The following GLCCI1 variants were observed in gnomAD, a reference collection of about 807,000 sequenced individuals.
GLCCI1 encodes the protein glucocorticoid-induced transcript 1 protein.
A neutral mutation model predicts 52.2 loss-of-function variants in GLCCI1; 24 were observed. The ratio of observed to expected loss-of-function variants is 0.46; its 90% CI spans 0.33 to 0.65. The LOEUF (loss-of-function observed/expected upper bound fraction) is 0.65, where lower values mean the gene tolerates loss of function less well. Ranked by LOEUF, GLCCI1 falls within the 30% of genes least tolerant of loss-of-function variation. GLCCI1 has a pLI of 0.02. For synonymous variants in GLCCI1, 310 were observed against 276.5 expected (o/e 1.12, Z -1.20); for missense variants, 704 against 701.5 (o/e 1.00, Z -0.04).
intron 1 of GLCCI1, among the ~76,000 whole-genome samples, chr7:8,001,672 T>C (rs979579040): frequency 3.9e-5 from 6 of 152,242 alleles, no homozygotes; most frequent in African/African-American, 1.2e-4. Context: ...ATTGCGGCAC[T>C]ATTCACAATA....
chr7:8,064,748 G>T (rs578107708), intron 5 of GLCCI1, among the ~76,000 whole-genome samples: 2 of 151,692 alleles, frequency 1.3e-5, no homozygotes, highest in East Asian at 3.9e-4. Context: ...CTGCTCTGTC[G>T]CCAGGCTGAA....
intron 4 of GLCCI1, among the ~76,000 whole-genome samples, chr7:8,057,786 C>G (rs943099996): frequency 2.0e-5 from 3 of 152,030 alleles, no homozygotes; most frequent in African/African-American, 7.3e-5. Flanking sequence ...CTCTAGGAGT[C>G]CAGTGCGCTT....
intron 5 of GLCCI1, among the ~76,000 whole-genome samples, chr7:8,068,042 CT>C (rs1782670906): frequency 6.6e-6 from 1 of 152,024 alleles, no homozygotes; most frequent in Non-Finnish European, 1.5e-5. Flanking sequence ...TTTGTTCATT[CT>C]TTTTTATTCT....
chr7:7,972,323 A>G (rs1000965374), intron 1 of GLCCI1, among the ~76,000 whole-genome samples: 7 of 149,690 alleles, frequency 4.7e-5, no homozygotes, highest in African/African-American at 1.5e-4. Context: ...ACTTCAGTGT[A>G]TGTGTGTGTG....
At chr7:8,058,429 GC>G (rs1329736204) in intron 4 of GLCCI1, among the ~76,000 whole-genome samples, 1 of 151,912 alleles carries the variant, frequency 6.6e-6, no homozygotes, top group Non-Finnish European at 1.5e-5. Context: ...AAAAAGCAGG[GC>G]CCATTAATAG....
rs58360790 is a variant in GLCCI1, at chr7:8,088,240, TTGTGTGTGTGTGTGTG to T, written c.*1718_*1733del. The stretch of plus-strand genomic sequence containing the variant: ...AGAAATGATATATATATGTATATGT[TTGTGTGTGTGTGTGTG>T]TGTGTGTGTGTGTGTATTCTGTGCA... On this transcript the variant is annotated 3_prime_UTR_variant, in exon 8 of 8. Coordinates refer to ENST00000223145, the MANE Select transcript of GLCCI1 (RefSeq NM_138426.4). 1 of 147,368 alleles carries T rather than the reference TTGTGTGTGTGTGTGTG, an allele frequency of 6.8e-6. No individual in the cohort carries two copies. Among genetic ancestry groups the T allele is most frequent in the Admixed American group, 6.8e-5 (1 of 14,688 alleles). The allele number at this position is 147,368 out of a possible 1,614,324, so 9.1% of individuals were successfully genotyped here.
chr7:8,052,102 G>C (rs771929572), intron 3 of GLCCI1, among the ~76,000 whole-genome samples: 1 of 152,122 alleles, frequency 6.6e-6, no homozygotes, highest in Non-Finnish European at 1.5e-5. Context: ...AGCCCCATTA[G>C]CATAAGATTT....
Position 7,969,756 on chromosome 7 carries a change from C to G in GLCCI1, c.406C>G (p.Arg136Gly). 1.4e-6 allele frequency: 2 copies of G among 1,479,172 alleles called. No homozygotes were observed. Among genetic ancestry groups the G allele is most frequent in the Non-Finnish European group, 1.8e-6 (2 of 1,119,056 alleles). The allele number at this position is 1,479,172 out of a possible 1,614,324, so 91.6% of individuals were successfully genotyped here. ...GRPRRSPESH[R>G]RSSSPERRSP... ...CCCGAGACGGTCCCCAGAGAGCCAC[C>G]GGAGGAGCAGCTCACCTGAGAGACG... The change falls in exon 1 of 8, where the codon CGG becomes GGG. Residue 136 changes from arginine (R) to glycine (G), a missense_variant. This residue lies in a region of GLCCI1 where 547 missense variants were observed against 524.8 expected (regional missense o/e 1.04). Transcript: ENST00000223145. This position sits in a 1 kb window ranked among gnomAD's most constrained non-coding sequence, Gnocchi z 4.9.
At chr7:7,995,446 G>A (rs547740661) in intron 1 of GLCCI1, among the ~76,000 whole-genome samples, 1 of 152,280 alleles carries the variant, frequency 6.6e-6, no homozygotes, top group East Asian at 1.9e-4. Flanking sequence ...GGAGATCAAG[G>A]CTGCAGTGAG....
rs140735270 is a variant in GLCCI1 at position 8,045,837 on chromosome 7, G to A, written c.697-9596G>A. On this transcript the variant is annotated intron_variant, in intron 3 of 7. Transcript: ENST00000223145. ...ACACAGCAGGCAGGAGTTCGCAGAG[G>A]ATAAAACTTCCACATAAGATGAACC... Among the ~76,000 whole-genome samples, 847 of 151,982 alleles carry A rather than the reference G, an allele frequency of 5.6e-3. 3 individuals carry two copies. The highest frequency in any genetic ancestry group is 0.019 in the African/African-American group (789 of 41,440).
At chr7:8,071,694 T>C (rs897835609) in intron 6 of GLCCI1, among the ~76,000 whole-genome samples, 2 of 152,166 alleles carry the variant, frequency 1.3e-5, no homozygotes, top group Non-Finnish European at 2.9e-5. Flanking sequence ...TCCATGTTCT[T>C]CTATCCTTGT....
intron 1 of GLCCI1, among the ~76,000 whole-genome samples, chr7:7,991,858 G>A (rs189794202): frequency 6.6e-6 from 1 of 152,132 alleles, no homozygotes; most frequent in Admixed American, 6.6e-5. Flanking sequence ...CTTTGTGAGT[G>A]TCAGGCTTGG....
In GLCCI1 at chr7:8,084,511, A is replaced by C. The variant is rs190362248; in HGVS notation, c.1178-386A>C. ...TTTTCGTTAAATTGGTTGGGCAGTGAGAAGGCATGTAGAGAACCCTGTATC... is the reference window on the plus strand; with the variant it reads ...TTTTCGTTAAATTGGTTGGGCAGTGCGAAGGCATGTAGAGAACCCTGTATC... On this transcript the variant is annotated intron_variant, in intron 6 of 7. Transcript: ENST00000223145. 162 of 154,720 alleles carry C rather than the reference A, an allele frequency of 1.0e-3. No individual in the cohort carries two copies. The Middle Eastern group carries it at 0.013, about 13-fold the overall frequency. 9.6% of individuals were successfully genotyped at this position (154,720 alleles called of 1,614,324 possible).
intron 3 of GLCCI1, among the ~76,000 whole-genome samples, chr7:8,023,588 C>CCTTTT (rs1781543370): frequency 2.4e-5 from 1 of 41,984 alleles, no homozygotes; most frequent in Admixed American, 3.4e-4. Flanking sequence ...CTCTGTTATT[C>CCTTTT]TTTTTTTTTT....
At chr7:7,987,543 A>C (rs37990) in intron 1 of GLCCI1, among the ~76,000 whole-genome samples, 110,558 of 152,060 alleles carry the variant, frequency 0.73, 40,293 homozygotes, top group East Asian at 0.8. Flanking sequence ...CACTCTAACA[A>C]ATTGCCTGAC....
At chr7:7,983,865 T>A (rs1780670906) in intron 1 of GLCCI1, among the ~76,000 whole-genome samples, 1 of 152,170 alleles carries the variant, frequency 6.6e-6, no homozygotes, top group South Asian at 2.1e-4. Flanking sequence ...AAACACTGAT[T>A]TAGACTTTCA....
intron 3 of GLCCI1, among the ~76,000 whole-genome samples, chr7:8,036,273 A>G (rs996296283): frequency 6.6e-6 from 1 of 152,226 alleles, no homozygotes; most frequent in Non-Finnish European, 1.5e-5. Flanking sequence ...GTATTTGAGA[A>G]GCCATCACAC....
chr7:8,054,636 T>C (rs953324323), intron 3 of GLCCI1, among the ~76,000 whole-genome samples: 1 of 152,188 alleles, frequency 6.6e-6, no homozygotes, highest in East Asian at 1.9e-4. Flanking sequence ...CTTTGTTGTA[T>C]CTCTCTGGGC....
At chr7:8,018,984 A>T (rs542235164) in intron 2 of GLCCI1, among the ~76,000 whole-genome samples, 4 of 152,306 alleles carry the variant, frequency 2.6e-5, no homozygotes, top group East Asian at 1.9e-4. Context: ...ACTTTGTGTT[A>T]TTTTCCTGAT....
Sources: gnomAD v4.1 joint callset for allele counts (sites outside exome capture counted in the v4.1 genomes callset) on GRCh38, gnomAD v4.1.1 for gene constraint, gnomAD v4.1.1 regional missense constraint, Gnocchi (gnomAD v3.1) non-coding constraint, MANE v1.5 for transcripts, NCBI Gene and HGNC (gene_info 2026-07-23, HGNC 2026-07-21) for gene names.